PLSCR2: variants seen among roughly 807,000 people sequenced by gnomAD.
PLSCR2 encodes the protein PL scramblase 2.
Under a neutral mutation model 25.3 loss-of-function variants are expected in PLSCR2, and 18 were observed. That is an observed-to-expected ratio of 0.71 (90% CI 0.49 to 1.06). PLSCR2 has a LOEUF of 1.06. Among genes scored for constraint, PLSCR2 ranks in the 50% least tolerant of loss-of-function variants. PLSCR2 has a pLI of 0.00. For missense variants in PLSCR2, 243 were observed against 269.5 expected, an observed-to-expected ratio of 0.90 and a Z score of 0.69; for synonymous variants, 88 against 87.3, an observed-to-expected ratio of 1.01 and a Z score of -0.04.
At chr3:146,425,809 A>G (rs2039324417) in intron 2 of PLSCR2, among the ~76,000 whole-genome samples, 1 of 152,202 alleles carries the variant, frequency 6.6e-6, no homozygotes, top group Admixed American at 6.6e-5. Flanking sequence ...GTGGGCTCAG[A>G]TAAAGATGAA....
downstream of PLSCR2, among the ~76,000 whole-genome samples, chr3:146,438,394 A>G (rs1003394679): frequency 1.6e-4 from 24 of 152,064 alleles, no homozygotes; most frequent in African/African-American, 5.8e-4. Flanking sequence ...TCCCATTATT[A>G]TTGTGTGGGA....
exon 4 of PLSCR2, chr3:146,455,292 G>C: frequency 6.2e-7 from 1 of 1,614,042 alleles, no homozygotes; most frequent in Non-Finnish European, 8.5e-7. Flanking sequence ...GGTCTTTCCA[G>C]AGTTATGACT....
chr3:146,463,527 T>C (rs1011721623), upstream of PLSCR2, among the ~76,000 whole-genome samples: 1 of 152,220 alleles, frequency 6.6e-6, no homozygotes, highest in African/African-American at 2.4e-5. Flanking sequence ...TCTGATGCCT[T>C]GACCCCATCC....
At chr3:146,452,816 T>A (rs1188996728) in intron 5 of PLSCR2, among the ~76,000 whole-genome samples, 1 of 152,038 alleles carries the variant, frequency 6.6e-6, no homozygotes, top group Non-Finnish European at 1.5e-5. Flanking sequence ...TTTATGGGCA[T>A]GAAAAGAAAA....
In PLSCR2 at chr3:146,444,283, T is replaced by C. The variant is rs146786548; in HGVS notation, c.646-2462A>G. Reference sequence around the variant, plus strand: ...GAAAATATCTATTGGGTCCATTTGGTTTATAGTGCAGATTCAATTTGATGT... The same window carrying C: ...GAAAATATCTATTGGGTCCATTTGGCTTATAGTGCAGATTCAATTTGATGT... On this transcript the variant is annotated intron_variant, in intron 6 of 6. Transcript: ENST00000610787. 4.2e-4 allele frequency among the ~76,000 whole-genome samples: 64 copies of C among 152,146 alleles called. 1 individual carries two copies. The East Asian group carries it at 0.011, about 26-fold the overall frequency.
chr3:146,393,864 G>T (rs952720157), intron 3 of PLSCR2, among the ~76,000 whole-genome samples: 36 of 145,514 alleles, frequency 2.5e-4, no homozygotes, highest in Non-Finnish European at 4.5e-4. Context: ...TCATTTTGTT[G>T]TTCAAATTTT....
chr3:146,459,806 A>G (rs775352454), intron 2 of PLSCR2, 42 bp downstream of exon 2: 9 of 1,189,156 alleles, frequency 7.6e-6, no homozygotes, highest in Non-Finnish European at 1.1e-5. Context: ...CCAGAAAGAG[A>G]GTTTTTTTTT....
intron 2 of PLSCR2, among the ~76,000 whole-genome samples, chr3:146,422,209 T>G (rs1236318864): frequency 6.6e-6 from 1 of 152,088 alleles, no homozygotes; most frequent in African/African-American, 2.4e-5. Flanking sequence ...TGATCTGGTA[T>G]GAGTAATATT....
chr3:146,442,213 CCATTTACAGCAG>C (rs2040285018), intron 6 of PLSCR2, among the ~76,000 whole-genome samples: 1 of 151,966 alleles, frequency 6.6e-6, no homozygotes, highest in Non-Finnish European at 1.5e-5. Context: ...GAAAACAATT[CCATTTACAGCAG>C]CATCGAAAAA....
At chr3:146,494,768 G>A (rs1425720072) in intron 1 of PLSCR2, 1 of 152,144 alleles carries the variant, frequency 6.6e-6, no homozygotes, top group Non-Finnish European at 1.5e-5. Context: ...AGTCTTAGAA[G>A]GAATATGATT....
At chr3:146,439,700 T>C (rs1221519774), downstream of PLSCR2, among the ~76,000 whole-genome samples, 3 of 152,204 alleles carry the variant, frequency 2.0e-5, no homozygotes, top group African/African-American at 7.2e-5. Flanking sequence ...TTAGCTTCTT[T>C]GTGATGGGTT....
At chr3:146,479,028 A>C (rs574526831) in intron 1 of PLSCR2, among the ~76,000 whole-genome samples, 4 of 152,344 alleles carry the variant, frequency 2.6e-5, no homozygotes, top group Admixed American at 2.6e-4. Context: ...AAAATCGTTT[A>C]CAGACAAATA....
intron 1 of PLSCR2, among the ~76,000 whole-genome samples, chr3:146,467,989 G>T (rs1304002308): frequency 2.0e-5 from 3 of 152,196 alleles, no homozygotes; most frequent in Non-Finnish European, 4.4e-5. Context: ...AATGTTTAAA[G>T]TCGCTCTACC....
chr3:146,454,284 T>G, intron 4 of PLSCR2, 121 bp from the exon 5 acceptor site: 2 of 533,454 alleles, frequency 3.7e-6, no homozygotes, highest in Non-Finnish European at 6.1e-6. Context: ...TTCCTAGGAC[T>G]TTTTTTTTAA....
chr3:146,403,337 G>A (rs1372505550), intron 2 of PLSCR2, among the ~76,000 whole-genome samples: 2 of 152,302 alleles, frequency 1.3e-5, no homozygotes, highest in African/African-American at 2.4e-5. Context: ...ATTTAAGCCT[G>A]CATCGAGGTC....
At chr3:146,419,969 TATCA>T (rs2039095361) in intron 2 of PLSCR2, among the ~76,000 whole-genome samples, 1 of 152,146 alleles carries the variant, frequency 6.6e-6, no homozygotes, top group Non-Finnish European at 1.5e-5. Context: ...GCCATTATTC[TATCA>T]ATCACATTAT....
downstream of PLSCR2, among the ~76,000 whole-genome samples, chr3:146,428,692 C>T (rs1576603824): frequency 6.6e-6 from 1 of 152,098 alleles, no homozygotes; most frequent in East Asian, 1.9e-4. Context: ...CATTTTGATG[C>T]TATGAGGCTA....
At chr3:146,453,290 GC>G (rs2108346407) in intron 5 of PLSCR2, among the ~76,000 whole-genome samples, 1 of 151,962 alleles carries the variant, frequency 6.6e-6, no homozygotes, top group African/African-American at 2.4e-5. Context: ...GGAATTGTTG[GC>G]CCAGTTTACT....
At position 146,393,530 on chromosome 3, in the gene PLSCR2, G is replaced by C. The variant is rs367698123; in HGVS notation, c.*146-1968C>G. ...GTCTAATTGTTTGATAAAAAGTTCA[G>C]CTGGGCACAGTGGCTCACGTCTGTA... On this transcript the variant is annotated intron_variant and NMD_transcript_variant, in intron 3 of 3. Transcript: ENST00000463633. Among the ~76,000 whole-genome samples the C allele has an allele frequency of 3.3e-5, 5 of 151,534 alleles. No homozygotes were observed. The East Asian group carries it at 5.9e-4, about 18-fold the overall frequency.
Sources: allele counts gnomAD v4.1 joint callset (sites outside exome capture counted in the v4.1 genomes callset), GRCh38; gene constraint gnomAD v4.1.1; transcripts MANE v1.5; gene names NCBI Gene and HGNC (gene_info 2026-07-23, HGNC 2026-07-21).